TASP1: variants seen among roughly 807,000 people sequenced by gnomAD.
The protein encoded by TASP1 is threonine aspartase 1.
In TASP1, 16 loss-of-function variants were observed where a neutral mutation model predicts 56.6. That is an observed-to-expected ratio of 0.28 (90% CI 0.19 to 0.43). The LOEUF (loss-of-function observed/expected upper bound fraction) is 0.43, where lower values mean the gene tolerates loss of function less well. Ranked by LOEUF, TASP1 falls within the 20% of genes least tolerant of loss-of-function variation. TASP1 has a pLI of 1.00. For synonymous variants in TASP1, 179 were observed against 184.2 expected, an observed-to-expected ratio of 0.97 and a Z score of 0.23; for missense variants, 393 against 511.6, an observed-to-expected ratio of 0.77 and a Z score of 2.24.
the TASP1 span, among the ~76,000 whole-genome samples, chr20:13,379,739 CAT>C: frequency 6.6e-6 from 1 of 152,166 alleles, no homozygotes; most frequent in Non-Finnish European, 1.5e-5. Flanking sequence ...GGTCTTTTCA[CAT>C]AGTCTCATAT....
chr20:13,467,217 G>A (rs201131152), intron 11 of TASP1, among the ~76,000 whole-genome samples: 5 of 72,456 alleles, frequency 6.9e-5, no homozygotes, highest in South Asian at 1.0e-3. Context: ...ACACACACAC[G>A]ACACACAAAT....
the TASP1 span, among the ~76,000 whole-genome samples, chr20:13,347,434 T>C: frequency 6.6e-6 from 1 of 152,236 alleles, no homozygotes; most frequent in Non-Finnish European, 1.5e-5. Context: ...ATAGGTCCTT[T>C]TCCTGCCCAA....
At chr20:13,467,417 T>TAA (rs151224677) in intron 11 of TASP1, among the ~76,000 whole-genome samples, 73 of 126,772 alleles carry the variant, frequency 5.8e-4, no homozygotes, top group African/African-American at 1.9e-3. Flanking sequence ...AATGTCTTCC[T>TAA]AAAAAAAAAA....
At chr20:13,240,379 A>G in the TASP1 span, among the ~76,000 whole-genome samples, 2 of 152,190 alleles carry the variant, frequency 1.3e-5, no homozygotes. Context: ...GAAGGACTTG[A>G]TGGAAAAGTG....
chr20:13,541,992 C>A (rs1378109382), intron 8 of TASP1, among the ~76,000 whole-genome samples: 10 of 149,348 alleles, frequency 6.7e-5, no homozygotes, highest in African/African-American at 2.2e-4. Flanking sequence ...TTGCAGTGAG[C>A]TGAGATTGTG....
At chr20:13,273,315 G>A in the TASP1 span, among the ~76,000 whole-genome samples, 2 of 151,072 alleles carry the variant, frequency 1.3e-5, no homozygotes, top group African/African-American at 4.9e-5. Context: ...GCTTGTTGAG[G>A]CCTTGAACTC....
the TASP1 span, among the ~76,000 whole-genome samples, chr20:13,157,540 C>T: frequency 6.6e-6 from 1 of 152,078 alleles, no homozygotes; most frequent in Non-Finnish European, 1.5e-5. Flanking sequence ...CTTTTGAACA[C>T]ACAGCACAAC....
intron 1 of TASP1, among the ~76,000 whole-genome samples, chr20:13,637,374 A>G (rs941613214): frequency 1.6e-4 from 25 of 152,252 alleles, no homozygotes; most frequent in Non-Finnish European, 2.9e-4. Flanking sequence ...ATGCCCACCA[A>G]TTCCACTTCT....
rs1279908917 is a variant in TASP1, at chr20:13,588,238, AAAGAAAGG to A, written c.283-876_283-869del. ...AGACAATTAGACAAAAAGGAGAAAG[AAAGAAAGG>A]AAGAAAGGAAGGAAGGAAGGAAGGA... On this transcript the variant is annotated intron_variant, in intron 4 of 13. Coordinates refer to ENST00000337743, the MANE Select transcript of TASP1 (RefSeq NM_017714.3). Among the ~76,000 whole-genome samples, 295 of 136,690 alleles carry A rather than the reference AAAGAAAGG, an allele frequency of 2.2e-3. 5 individuals are homozygous for A. The highest frequency in any genetic ancestry group is 7.4e-3 in the African/African-American group (265 of 35,902). 89.7% of individuals were successfully genotyped at this position (136,690 alleles called of 152,430 possible).
At chr20:13,278,180 G>A in the TASP1 span, among the ~76,000 whole-genome samples, 2 of 152,198 alleles carry the variant, frequency 1.3e-5, no homozygotes, top group Non-Finnish European at 2.9e-5. Flanking sequence ...CTTTTATTAT[G>A]TTTTTTAAAC....
intron 10 of TASP1, among the ~76,000 whole-genome samples, chr20:13,514,538 C>T (rs2044452458): frequency 6.6e-6 from 1 of 152,162 alleles, no homozygotes; most frequent in African/African-American, 2.4e-5. Context: ...AAGCTGAAGT[C>T]TGATTCCAAA....
At chr20:13,214,263 A>G in the TASP1 span, among the ~76,000 whole-genome samples, 1 of 152,094 alleles carries the variant, frequency 6.6e-6, no homozygotes, top group Non-Finnish European at 1.5e-5. Flanking sequence ...GTGATGAACT[A>G]CCCTATTCAC....
At chr20:13,205,584 T>A in the TASP1 span, among the ~76,000 whole-genome samples, 1 of 152,174 alleles carries the variant, frequency 6.6e-6, no homozygotes, top group East Asian at 1.9e-4. Context: ...CCTCACGTGG[T>A]GGACAGCAGA....
At chr20:13,576,511 A>C (rs1423730900) in intron 6 of TASP1, among the ~76,000 whole-genome samples, 2 of 152,168 alleles carry the variant, frequency 1.3e-5, no homozygotes, top group Admixed American at 6.5e-5. Flanking sequence ...GACAATGAAC[A>C]GTTGGAAATT....
At chr20:13,196,557 T>C in the TASP1 span, among the ~76,000 whole-genome samples, 1 of 152,108 alleles carries the variant, frequency 6.6e-6, no homozygotes, top group Non-Finnish European at 1.5e-5. Flanking sequence ...GCCAGCCACA[T>C]AAGGATGTTC....
intron 4 of TASP1, among the ~76,000 whole-genome samples, chr20:13,618,930 C>T (rs991254186): frequency 6.6e-6 from 1 of 151,698 alleles, no homozygotes; most frequent in Non-Finnish European, 1.5e-5. Context: ...TGCAGTGGCA[C>T]AGTCTCGGCT....
chr20:13,236,240 AG>A, the TASP1 span, among the ~76,000 whole-genome samples: 1 of 152,148 alleles, frequency 6.6e-6, no homozygotes, highest in Admixed American at 6.5e-5. Flanking sequence ...CCTTCTAACA[AG>A]GACCTGCTCA....
intron 11 of TASP1, among the ~76,000 whole-genome samples, chr20:13,457,780 G>A (rs1221271730): frequency 2.6e-5 from 4 of 152,072 alleles, no homozygotes; most frequent in African/African-American, 9.7e-5. Context: ...CAATCTAATA[G>A]AGCTATGTTA....
the TASP1 span, among the ~76,000 whole-genome samples, chr20:13,232,572 TA>T: frequency 3.8e-4 from 58 of 152,386 alleles, no homozygotes; most frequent in African/African-American, 1.4e-3. Flanking sequence ...TGGCAACTAT[TA>T]AAGATGCTGT....
Sources: gnomAD v4.1 joint callset for allele counts (sites outside exome capture counted in the v4.1 genomes callset) on GRCh38, gnomAD v4.1.1 for gene constraint, MANE v1.5 for transcripts, NCBI Gene and HGNC (gene_info 2026-07-23, HGNC 2026-07-21) for gene names.